ARHGEF7: variants seen among roughly 807,000 people sequenced by gnomAD.
The protein encoded by ARHGEF7 is PAK-interacting exchange factor beta.
ARHGEF7 carries 33 observed loss-of-function variants against 109.8 expected under a neutral mutation model. The ratio of observed to expected loss-of-function variants is 0.30; its 90% CI spans 0.23 to 0.40. The LOEUF (loss-of-function observed/expected upper bound fraction) is 0.40. ARHGEF7 is among the 10% of genes least tolerant of loss of function. The pLI is 1.00. For synonymous variants in ARHGEF7, 458 were observed against 424.6 expected, an observed-to-expected ratio of 1.08 and a Z score of -0.97; for missense variants, 938 against 1,098.5, an observed-to-expected ratio of 0.85 and a Z score of 2.07.
At chr13:111,129,108 T>C (rs1352806759) in intron 1 of ARHGEF7, among the ~76,000 whole-genome samples, 1 of 152,204 alleles carries the variant, frequency 6.6e-6, no homozygotes, top group Non-Finnish European at 1.5e-5. Flanking sequence ...CACTTGGCTG[T>C]CCAAAGGACA....
Position 111,115,679 on chromosome 13 carries a change from G to A in ARHGEF7, c.153G>A (p.Gly51=). 1 of 1,273,688 alleles carries A rather than the reference G, an allele frequency of 7.9e-7. No homozygotes were observed. The highest frequency in any genetic ancestry group is 1.0e-6 in the Non-Finnish European group (1 of 1,002,928). The allele number at this position is 1,273,688 out of a possible 1,614,324, so 78.9% of individuals were successfully genotyped here. Residue 51 remains glycine, a synonymous_variant, in exon 1 of 22, where the codon GGG becomes GGA. Transcript: ENST00000646102. ...LCRLLERLLP[G]TIEKVYPEPR... Reference sequence around the variant, plus strand: ...GGCTGCTGGAGCGCCTGCTCCCCGGGACCATCGAGAAAGTAAGTCCCGGCC... The same window carrying A: ...GGCTGCTGGAGCGCCTGCTCCCCGGAACCATCGAGAAAGTAAGTCCCGGCC...
chr13:111,289,386 C>T (rs1595563459), intron 18 of ARHGEF7, among the ~76,000 whole-genome samples: 2 of 152,210 alleles, frequency 1.3e-5, no homozygotes, highest in African/African-American at 4.8e-5. Flanking sequence ...CAGTGAAGCA[C>T]AGCAGGGTGG....
chr13:111,287,084 C>T (rs966984761), intron 17 of ARHGEF7, among the ~76,000 whole-genome samples: 1 of 152,234 alleles, frequency 6.6e-6, no homozygotes, highest in African/African-American at 2.4e-5. Flanking sequence ...CCTCCCCTCA[C>T]CGCCACCTTA....
At chr13:111,140,841 G>A (rs775648906) in intron 1 of ARHGEF7, among the ~76,000 whole-genome samples, 27 of 152,038 alleles carry the variant, frequency 1.8e-4, no homozygotes, top group Non-Finnish European at 3.5e-4. Flanking sequence ...ACCATGCCCA[G>A]CTAATTTTTA....
intron 2 of ARHGEF7, among the ~76,000 whole-genome samples, chr13:111,182,895 A>G (rs559172867): frequency 3.9e-5 from 6 of 152,344 alleles, no homozygotes; most frequent in African/African-American, 1.2e-4. Flanking sequence ...AGTACGTCAC[A>G]TGAGCTATTC....
Position 111,186,783 on chromosome 13 carries a change from A to G in ARHGEF7, c.253-18506A>G, listed in dbSNP as rs560550667. 131 of 985,178 alleles carry G rather than the reference A, an allele frequency of 1.3e-4. No homozygotes were observed. The African/African-American group carries it at 2.1e-3, about 16-fold the overall frequency. The allele number at this position is 985,178 out of a possible 1,614,324, so 61.0% of individuals were successfully genotyped here. ...GAGCTGACTGGTGGCAACGCAGACCACTAAAGCTTCAGTGAGCCCAGAAAG... is the reference window on the plus strand; with the variant it reads ...GAGCTGACTGGTGGCAACGCAGACCGCTAAAGCTTCAGTGAGCCCAGAAAG... On this transcript the variant is annotated intron_variant, in intron 2 of 21. Coordinates refer to ENST00000646102, the MANE Select transcript of ARHGEF7 (RefSeq NM_001354046.2).
chr13:111,294,661 C>A (rs115086139), intron 19 of ARHGEF7: 2 of 985,312 alleles, frequency 2.0e-6, no homozygotes, highest in Non-Finnish European at 2.4e-6. Flanking sequence ...AAAGACAGTT[C>A]TCCTGTGGCA....
At chr13:111,208,157 C>T (rs979259288) in intron 3 of ARHGEF7, among the ~76,000 whole-genome samples, 21 of 152,228 alleles carry the variant, frequency 1.4e-4, no homozygotes, top group Admixed American at 1.3e-4. Flanking sequence ...TCTCCTGCCT[C>T]GGCCTCCCGA....
At chr13:111,229,496 C>T (rs904369732) in intron 5 of ARHGEF7, among the ~76,000 whole-genome samples, 1 of 152,044 alleles carries the variant, frequency 6.6e-6, no homozygotes, top group Admixed American at 6.6e-5. Context: ...TTTTATTCGT[C>T]GTGATTGGTC....
At chr13:111,299,853 A>G (rs1489500764) in intron 19 of ARHGEF7, among the ~76,000 whole-genome samples, 2 of 152,162 alleles carry the variant, frequency 1.3e-5, no homozygotes, top group Non-Finnish European at 1.5e-5. Context: ...TCCCTTCTTC[A>G]TGGAGAAATG....
At position 111,291,427 on chromosome 13, in the gene ARHGEF7, CT is replaced by C. The variant is rs1378051358; in HGVS notation, c.2135-690del. ...TGTTGCCAGCAGACCCAGCTTCCCACTGCACCCTGCCTGCGGGCTAAGCTCC... is the reference window on the plus strand; with the variant it reads ...TGTTGCCAGCAGACCCAGCTTCCCACGCACCCTGCCTGCGGGCTAAGCTCC... On this transcript the variant is annotated intron_variant, in intron 18 of 21. Coordinates refer to ENST00000646102, the MANE Select transcript of ARHGEF7 (RefSeq NM_001354046.2). Among the ~76,000 whole-genome samples, 6 of 152,388 alleles carry C rather than the reference CT, an allele frequency of 3.9e-5. No individual in the cohort carries two copies. The East Asian group carries it at 1.2e-3, about 29-fold the overall frequency.
chr13:111,228,706 C>CCT lies in ARHGEF7; in HGVS notation c.671-4499_671-4498insCT, dbSNP rs1361718452. 1.3e-5 allele frequency among the ~76,000 whole-genome samples: 2 copies of CCT among 152,086 alleles called. No individual in the cohort carries two copies. Among genetic ancestry groups the CCT allele is most frequent in the African/African-American group, 4.8e-5 (2 of 41,408 alleles). ...GTGGTTCAGGAAAGCGGCAGGCAGA[C>CCT]ACTGCTGAGCACGGGCAGACACACA... On this transcript the variant is annotated intron_variant, in intron 5 of 21. Coordinates refer to ENST00000646102, the MANE Select transcript of ARHGEF7 (RefSeq NM_001354046.2). The surrounding 1 kb of genome is among the most constrained non-coding windows in gnomAD (Gnocchi z 4.6).
chr13:111,206,073 A>G (rs1318121694), intron 3 of ARHGEF7, among the ~76,000 whole-genome samples: 19 of 151,956 alleles, frequency 1.3e-4, no homozygotes, highest in Admixed American at 1.2e-3. Flanking sequence ...GGAACTTTTT[A>G]GTTGCTTTTT....
chr13:111,114,872 G>C (rs1464061179), upstream of ARHGEF7: 1 of 152,218 alleles, frequency 6.6e-6, no homozygotes, highest in Admixed American at 6.5e-5. Flanking sequence ...CGGCTTGCAA[G>C]GTAGCAAAGC....
At chr13:111,151,926 C>T (rs1034299048) in intron 1 of ARHGEF7, among the ~76,000 whole-genome samples, 2 of 151,858 alleles carry the variant, frequency 1.3e-5, no homozygotes, top group South Asian at 2.1e-4. Context: ...CAGCTGGGAA[C>T]GTGTACATAA....
chr13:111,255,341 TG>T lies in ARHGEF7; in HGVS notation c.950+11049del, dbSNP rs1347723249. ...CCTACTGCATGTGTGGGAAGAGGTGTGGCCCAGGTAAAGGTTAGGTTTGGAT... is the reference window on the plus strand; with the variant it reads ...CCTACTGCATGTGTGGGAAGAGGTGTGCCCAGGTAAAGGTTAGGTTTGGAT... On this transcript the variant is annotated intron_variant, in intron 8 of 21. Coordinates refer to ENST00000646102, the MANE Select transcript of ARHGEF7 (RefSeq NM_001354046.2). This position sits in a 1 kb window ranked among gnomAD's most constrained non-coding sequence, Gnocchi z 4.1. Among the ~76,000 whole-genome samples, 2 of 152,174 alleles carry T rather than the reference TG, an allele frequency of 1.3e-5. No individual in the cohort carries two copies. The highest frequency in any genetic ancestry group is 4.8e-5 in the African/African-American group (2 of 41,434).
At chr13:111,269,945 GGGTAGACTAATCTGCTCAT>G (rs2092002045) in intron 9 of ARHGEF7, among the ~76,000 whole-genome samples, 1 of 152,168 alleles carries the variant, frequency 6.6e-6, no homozygotes, top group African/African-American at 2.4e-5. Flanking sequence ...GCCACACCTG[GGGTAGACTAATCTGCTCAT>G]GCTGTGGAGT....
intron 2 of ARHGEF7, among the ~76,000 whole-genome samples, chr13:111,186,617 C>T (rs1256966333): frequency 6.6e-6 from 1 of 152,320 alleles, no homozygotes; most frequent in South Asian, 2.1e-4. Flanking sequence ...ATTTTTTACT[C>T]TTGTTCTGAA....
chr13:111,133,812 T>TATATAAAA (rs1555341569), intron 1 of ARHGEF7, among the ~76,000 whole-genome samples: 5 of 62,568 alleles, frequency 8.0e-5, no homozygotes, highest in East Asian at 6.9e-4. Context: ...TATATATATA[T>TATATAAAA]ATTTATTATA....
Sources: gnomAD v4.1 joint callset for allele counts (sites outside exome capture counted in the v4.1 genomes callset) on GRCh38, gnomAD v4.1.1 for gene constraint, Gnocchi (gnomAD v3.1) non-coding constraint, MANE v1.5 for transcripts, NCBI Gene and HGNC (gene_info 2026-07-23, HGNC 2026-07-21) for gene names.